Variants in ESYT2 observed in about 807,000 individuals in gnomAD.
ESYT2 encodes extended synaptotagmin-2.
A neutral mutation model predicts 107.2 loss-of-function variants in ESYT2; 54 were observed. The ratio of observed to expected loss-of-function variants is 0.50; its 90% confidence interval spans 0.40 to 0.63. ESYT2 has a LOEUF of 0.63. ESYT2 is among the 30% of genes least tolerant of loss of function. The pLI is 0.00. For missense variants in ESYT2, 1,020 were observed against 1,094.5 expected, an observed-to-expected ratio of 0.93 and a Z score of 0.96; for synonymous variants, 491 against 434.1, an observed-to-expected ratio of 1.13 and a Z score of -1.63.
intron 3 of ESYT2, among the ~76,000 whole-genome samples, chr7:158,795,259 T>C (rs1006952224): frequency 2.6e-5 from 4 of 152,196 alleles, no homozygotes; most frequent in Admixed American, 6.5e-5. Context: ...ATTGGTACAG[T>C]AGATGAAAAT....
In ESYT2 at chr7:158,787,281, G is replaced by GCTT. The variant is rs748576020; in HGVS notation, c.747+720_747+722dup. On this transcript the variant is annotated intron_variant, in intron 6 of 22. Transcript: ENST00000275418. Reference sequence around the variant, plus strand: ...CATCCCTAATCTAAAAATCCAAAATGCTTCAATATAAGAAACTTTTTGAGT... The same window carrying GCTT: ...CATCCCTAATCTAAAAATCCAAAATGCTTCTTCAATATAAGAAACTTTTTGAGT... Among the ~76,000 whole-genome samples, 24 of 152,294 alleles carry GCTT rather than the reference G, an allele frequency of 1.6e-4. No individual in the cohort carries two copies. In the East Asian group the frequency reaches 4.6e-3, roughly 29 times the overall value.
intron 9 of ESYT2, 36 bp from the exon 10 acceptor site, chr7:158,763,201 T>C (rs1319255419): frequency 4.6e-6 from 7 of 1,509,564 alleles, no homozygotes; most frequent in Admixed American, 3.4e-5. Flanking sequence ...AGTGCATTTT[T>C]ACTAATATAG....
chr7:158,766,360 G>C (rs963634128), intron 8 of ESYT2, among the ~76,000 whole-genome samples: 3 of 152,192 alleles, frequency 2.0e-5, no homozygotes, highest in Non-Finnish European at 2.9e-5. Context: ...AGGGCAGCCA[G>C]ATCCAGGCTC....
At chr7:158,755,634 G>A (rs1241800332) in intron 13 of ESYT2, among the ~76,000 whole-genome samples, 2 of 152,168 alleles carry the variant, frequency 1.3e-5, no homozygotes, top group Non-Finnish European at 2.9e-5. Context: ...TTACTTTTAA[G>A]CAGTAAAACA....
intron 1 of ESYT2, among the ~76,000 whole-genome samples, chr7:158,811,788 G>A (rs1380713606): frequency 6.6e-6 from 1 of 152,180 alleles, no homozygotes; most frequent in Non-Finnish European, 1.5e-5. Context: ...GGAGACTGGC[G>A]GGACAAGAAC....
Position 158,741,626 on chromosome 7 carries a change from G to C in ESYT2, c.2065C>G (p.Pro689Ala), listed in dbSNP as rs1837210340. The C allele has an allele frequency of 1.9e-6, 3 of 1,613,246 alleles. No individual in the cohort carries two copies. The highest frequency in any genetic ancestry group is 2.5e-6 in the Non-Finnish European group (3 of 1,180,020). ...GRSSSSLLAS[P>A]GHISVKEPTP... ...GGCTCCTTGACTGAGATGTGGCCTG[G>C]GGAGGCCAGGAGGCTGGAGGAGCTT... Residue 689 changes from proline to alanine, a missense_variant, in exon 18 of 23, where the codon CCA becomes GCA. Physicochemically the swap from Pro to Ala is conservative, Grantham distance 27. Coordinates refer to ENST00000275418, the MANE Select transcript of ESYT2 (RefSeq NM_001367773.1).
chr7:158,770,173 G>C (rs1838305656), intron 7 of ESYT2, among the ~76,000 whole-genome samples: 1 of 152,046 alleles, frequency 6.6e-6, no homozygotes, highest in South Asian at 2.1e-4. Context: ...TTACAGGTAT[G>C]AGCCACCGCG....
At position 158,809,430 on chromosome 7, in the gene ESYT2, C is replaced by G. The variant is rs140726555; in HGVS notation, c.331-10358G>C. Reference sequence around the variant, plus strand: ...GGCGAAGGTTGCAGTGAGCCGAGATCGCACCATTGCACTCCAGCCTGGCTA... The same window carrying G: ...GGCGAAGGTTGCAGTGAGCCGAGATGGCACCATTGCACTCCAGCCTGGCTA... On this transcript the variant is annotated intron_variant, in intron 1 of 22. Coordinates refer to ENST00000275418, the MANE Select transcript of ESYT2 (RefSeq NM_001367773.1). Among the ~76,000 whole-genome samples the G allele has an allele frequency of 3.0e-5, 4 of 134,580 alleles. No individual in the cohort carries two copies. The South Asian group carries it at 7.0e-4, about 24-fold the overall frequency. The allele number at this position is 134,580 out of a possible 152,430, so 88.3% of individuals were successfully genotyped here. A position where few individuals can be genotyped will look rare whatever the true frequency, so the allele number is the denominator to read the frequency against.
At chr7:158,762,227 T>G (rs1837995637) in intron 10 of ESYT2, among the ~76,000 whole-genome samples, 1 of 152,110 alleles carries the variant, frequency 6.6e-6, no homozygotes, top group East Asian at 1.9e-4. Context: ...CCACAATCTA[T>G]GTCTACACCG....
At chr7:158,793,115 TTGAG>T (rs1247626010) in intron 4 of ESYT2, among the ~76,000 whole-genome samples, 2 of 152,154 alleles carry the variant, frequency 1.3e-5, no homozygotes, top group Admixed American at 6.5e-5. Context: ...TTTTATTATG[TTGAG>T]TTAGTTTCCT....
chr7:158,760,918 G>A (rs983578045), intron 11 of ESYT2, among the ~76,000 whole-genome samples: 1 of 152,212 alleles, frequency 6.6e-6, no homozygotes, highest in Non-Finnish European at 1.5e-5. Context: ...GTGTGATTAC[G>A]AAAGCAGCAG....
intron 1 of ESYT2, among the ~76,000 whole-genome samples, chr7:158,823,529 T>C (rs1430085082): frequency 6.6e-6 from 1 of 151,810 alleles, no homozygotes; most frequent in African/African-American, 2.4e-5. Flanking sequence ...GGTCTCACCG[T>C]GTTAGCCAGG....
chr7:158,753,035 A>G (rs2129471794), intron 13 of ESYT2, among the ~76,000 whole-genome samples, 192 bp from the exon 14 acceptor site: 1 of 152,324 alleles, frequency 6.6e-6, no homozygotes, highest in South Asian at 2.1e-4. Flanking sequence ...CTTAGAATGA[A>G]CCTTTAATCT....
chr7:158,763,821 T>C (rs955944657), intron 9 of ESYT2, among the ~76,000 whole-genome samples: 2 of 152,070 alleles, frequency 1.3e-5, no homozygotes, highest in African/African-American at 4.8e-5. Context: ...CCAGGACACA[T>C]CCCTCTAGTC....
chr7:158,822,538 G>C (rs1458172270), intron 1 of ESYT2, among the ~76,000 whole-genome samples: 1 of 152,176 alleles, frequency 6.6e-6, no homozygotes, highest in Non-Finnish European at 1.5e-5. Flanking sequence ...TGAGATAGGA[G>C]GATCACTTGA....
At chr7:158,825,713 TCTC>T (rs1185954807) in intron 1 of ESYT2, among the ~76,000 whole-genome samples, 1 of 152,238 alleles carries the variant, frequency 6.6e-6, no homozygotes, top group African/African-American at 2.4e-5. Context: ...GAAATTAGTA[TCTC>T]CTTAATTCAT....
intron 1 of ESYT2, 29 bp downstream of exon 1, chr7:158,829,060 G>C (rs970717927): frequency 6.4e-7 from 1 of 1,570,868 alleles, no homozygotes; most frequent in African/African-American, 1.4e-5. Flanking sequence ...GGTGGTCAGG[G>C]GTCGGGACGG....
At chr7:158,823,080 C>T (rs1840331578) in intron 1 of ESYT2, among the ~76,000 whole-genome samples, 1 of 151,694 alleles carries the variant, frequency 6.6e-6, no homozygotes, top group South Asian at 2.1e-4. Flanking sequence ...ATTGCCTGAG[C>T]TTAGGAGTTC....
chr7:158,829,217 C>A lies in ESYT2; in HGVS notation c.202G>T (p.Ala68Ser). 1 of 1,529,546 alleles carries A rather than the reference C, an allele frequency of 6.5e-7. No homozygotes were observed. The highest frequency in any genetic ancestry group is 8.7e-7 in the Non-Finnish European group (1 of 1,145,934). 94.7% of individuals were successfully genotyped at this position (1,529,546 alleles called of 1,614,324 possible). ...LSFSWVLLAL[A>S]LLAWCRRSRG... ...CTGCGGCGACACCAGGCGAGCAGCG[C>A]GAGCGCGAGGAGAACCCAGCTGAAG... Residue 68 changes from alanine (A) to serine (S), a missense_variant, in exon 1 of 23, where the codon GCG (alanine) becomes TCG (serine). Physicochemically the swap from Ala to Ser is moderately conservative, Grantham distance 99. Transcript: ENST00000275418.
Sources: allele counts gnomAD v4.1 joint callset (sites outside exome capture counted in the v4.1 genomes callset), GRCh38; gene constraint gnomAD v4.1.1; transcripts MANE v1.5; gene names NCBI Gene and HGNC (gene_info 2026-07-23, HGNC 2026-07-21).